The following TLL2 variants were observed in gnomAD, a reference collection of about 807,000 sequenced individuals.
The protein encoded by TLL2 is tolloid like 2.
A neutral mutation model predicts 123.0 loss-of-function variants in TLL2; 106 were observed. The ratio of observed to expected loss-of-function variants is 0.86; its 90% confidence interval spans 0.74 to 1.01. The LOEUF (loss-of-function observed/expected upper bound fraction) is 1.01. Ranked by LOEUF, TLL2 falls within the 50% of genes least tolerant of loss-of-function variation. The pLI is 0.00. For missense variants in TLL2, 1,332 were observed against 1,336.7 expected, an observed-to-expected ratio of 1.00 and a Z score of 0.06; for synonymous variants, 494 against 516.8, an observed-to-expected ratio of 0.96 and a Z score of 0.60.
At chr10:96,368,311 C>A in intron 20 of TLL2, 89 bp from the exon 21 acceptor site, 1 of 1,487,978 alleles carries the variant, frequency 6.7e-7, no homozygotes, top group South Asian at 1.2e-5. Flanking sequence ...TATGCAAGGA[C>A]ACAGGATGTG....
intron 13 of TLL2, 77 bp downstream of exon 13, chr10:96,395,109 TG>T: frequency 7.0e-7 from 1 of 1,425,672 alleles, no homozygotes; most frequent in Non-Finnish European, 9.5e-7. Context: ...AGCTTCCATA[TG>T]GTTTTGTGTG....
At chr10:96,465,308 G>C (rs1279767216) in intron 2 of TLL2, among the ~76,000 whole-genome samples, 1 of 152,202 alleles carries the variant, frequency 6.6e-6, no homozygotes, top group Admixed American at 6.5e-5. Flanking sequence ...GTTTGTTTTA[G>C]AGAAGTTAAT....
chr10:96,443,998 T>C (rs10786289), intron 3 of TLL2, among the ~76,000 whole-genome samples: 89,267 of 151,970 alleles, frequency 0.59, 27,156 homozygotes, highest in East Asian at 0.74. Context: ...AGCAACCCAA[T>C]AGGAAAATGG....
chr10:96,383,200 C>T (rs1236511425), intron 16 of TLL2, among the ~76,000 whole-genome samples: 1 of 152,204 alleles, frequency 6.6e-6, no homozygotes, highest in East Asian at 1.9e-4. Context: ...GCTTTTTCTA[C>T]AGCTGCTGTA....
At chr10:96,452,752 CAATG>C (rs1846973928) in intron 2 of TLL2, among the ~76,000 whole-genome samples, 1 of 152,054 alleles carries the variant, frequency 6.6e-6, no homozygotes, top group African/African-American at 2.4e-5. Context: ...CGGGGAAGGG[CAATG>C]AATGAATGAA....
chr10:96,396,055 GC>G, intron 11 of TLL2, 35 bp from the exon 12 acceptor site: 1 of 1,610,154 alleles, frequency 6.2e-7, no homozygotes, highest in Non-Finnish European at 8.5e-7. Flanking sequence ...GAAGACGGGG[GC>G]CCTGGTCAGA....
chr10:96,379,560 G>A (rs916219241), intron 16 of TLL2, among the ~76,000 whole-genome samples: 2 of 152,180 alleles, frequency 1.3e-5, no homozygotes, highest in African/African-American at 4.8e-5. Context: ...GGTGGCTCAT[G>A]CCTGTAATCC....
chr10:96,488,181 G>A (rs1310453910), intron 1 of TLL2, among the ~76,000 whole-genome samples: 1 of 152,228 alleles, frequency 6.6e-6, no homozygotes, highest in Non-Finnish European at 1.5e-5. Context: ...TGAGATGGAG[G>A]AGCTGCACCC....
chr10:96,399,140 G>C (rs985195497), intron 10 of TLL2, among the ~76,000 whole-genome samples: 1 of 152,044 alleles, frequency 6.6e-6, no homozygotes, highest in Non-Finnish European at 1.5e-5. Context: ...CAAAGTGCTG[G>C]GTTTACAGGC....
chr10:96,379,200 G>A, intron 16 of TLL2, 108 bp from the exon 17 acceptor site: 2 of 1,390,710 alleles, frequency 1.4e-6, no homozygotes, highest in South Asian at 1.3e-5. Context: ...CTCTCTGATT[G>A]CTCCCCTTCC....
At chr10:96,388,131 C>T (rs1422482210) in intron 13 of TLL2, among the ~76,000 whole-genome samples, 8 of 152,150 alleles carry the variant, frequency 5.3e-5, no homozygotes, top group South Asian at 2.1e-4. Flanking sequence ...TGGCCAGGCA[C>T]GGTGGCTCAC....
At position 96,367,948 on chromosome 10, in the gene TLL2, C is replaced by T; in HGVS notation, c.*140G>A. ...TACAAGACTTTCATTCAAATATATA[C>T]CTCTAAGGCTGGATTCTGAGTTTTT... On this transcript the variant is annotated 3_prime_UTR_variant, in exon 21 of 21. Transcript: ENST00000357947. The T allele has an allele frequency of 1.9e-6, 2 of 1,042,332 alleles. No homozygotes were observed. Among genetic ancestry groups the T allele is most frequent in the Non-Finnish European group, 2.7e-6 (2 of 738,812 alleles). 64.6% of individuals were successfully genotyped at this position (1,042,332 alleles called of 1,614,324 possible).
At chr10:96,486,294 A>T (rs1353550898) in intron 1 of TLL2, among the ~76,000 whole-genome samples, 1 of 152,192 alleles carries the variant, frequency 6.6e-6, no homozygotes, top group African/African-American at 2.4e-5. Flanking sequence ...GAAAACAAGA[A>T]AAATGTTCAT....
chr10:96,476,216 T>TCATATA (rs1554939587), intron 2 of TLL2, among the ~76,000 whole-genome samples: 906 of 33,314 alleles, frequency 0.027, 46 homozygotes, highest in African/African-American at 0.076. Flanking sequence ...CTTTTTAATT[T>TCATATA]TATATGTATA....
At chr10:96,375,246 G>T (rs1291597000) in intron 18 of TLL2, 1 of 152,232 alleles carries the variant, frequency 6.6e-6, no homozygotes, top group Non-Finnish European at 1.5e-5. Flanking sequence ...GGTCCATGGG[G>T]CGCCCTGTCG....
At chr10:96,479,031 G>A (rs1847285815) in intron 2 of TLL2, among the ~76,000 whole-genome samples, 1 of 152,226 alleles carries the variant, frequency 6.6e-6, no homozygotes, top group South Asian at 2.1e-4. Context: ...AAGAGCTGGG[G>A]AGAAAAGTGT....
At chr10:96,395,463 C>T (rs1013313221) in intron 12 of TLL2, 81 bp from the exon 13 acceptor site, 1 of 1,412,560 alleles carries the variant, frequency 7.1e-7, no homozygotes, top group Non-Finnish European at 9.4e-7. Context: ...ACCCAAATAT[C>T]ACTCTCAAAA....
intron 4 of TLL2, among the ~76,000 whole-genome samples, chr10:96,429,122 A>T (rs1846710407): frequency 6.6e-6 from 1 of 152,138 alleles, no homozygotes; most frequent in Non-Finnish European, 1.5e-5. Context: ...GCTTTAAAGC[A>T]TGCTGAGTTA....
chr10:96,427,473 C>G (rs1025193817), intron 5 of TLL2, among the ~76,000 whole-genome samples: 5 of 152,128 alleles, frequency 3.3e-5, no homozygotes, highest in African/African-American at 1.2e-4. Flanking sequence ...CCTTGAATTC[C>G]CTGGGGCTTG....
Sources: allele counts gnomAD v4.1 joint callset (sites outside exome capture counted in the v4.1 genomes callset), GRCh38; gene constraint gnomAD v4.1.1; transcripts MANE v1.5; gene names NCBI Gene and HGNC (gene_info 2026-07-23, HGNC 2026-07-21).